Variants in ANKDD1A observed in about 807,000 individuals in gnomAD.
ANKDD1A encodes ankyrin repeat and death domain-containing protein 1A.
ANKDD1A carries 59 observed loss-of-function variants against 63.5 expected under a neutral mutation model. The ratio of observed to expected loss-of-function variants is 0.93; its 90% CI spans 0.75 to 1.15. ANKDD1A has a LOEUF of 1.15. Ranked by LOEUF, ANKDD1A falls within the 50% of genes most tolerant of loss-of-function variation. ANKDD1A has a pLI of 0.00. For synonymous variants in ANKDD1A, 266 were observed against 263.9 expected, an observed-to-expected ratio of 1.01 and a Z score of -0.08; for missense variants, 632 against 656.4, an observed-to-expected ratio of 0.96 and a Z score of 0.41.
rs528746021 is a variant in ANKDD1A at position 64,953,114 on chromosome 15, G to A, written c.1483+3142G>A. 3.4e-4 allele frequency among the ~76,000 whole-genome samples: 39 copies of A among 115,300 alleles called. No homozygotes were observed. In the East Asian group the frequency reaches 5.2e-3, roughly 16 times the overall value. 75.6% of individuals were successfully genotyped at this position (115,300 alleles called of 152,430 possible). On this transcript the variant is annotated intron_variant, in intron 14 of 14. Transcript: ENST00000319580. Reference sequence around the variant, plus strand: ...TCTTATACTTTCTTTTCTTTCTTCCGCTTTCTACTTTCTTCTTCCTTTTTT... The same window carrying A: ...TCTTATACTTTCTTTTCTTTCTTCCACTTTCTACTTTCTTCTTCCTTTTTT...
At chr15:64,940,481 G>A (rs2085173821) in intron 9 of ANKDD1A, among the ~76,000 whole-genome samples, 1 of 152,088 alleles carries the variant, frequency 6.6e-6, no homozygotes, top group Admixed American at 6.5e-5. Flanking sequence ...CGCCCAGGCT[G>A]GAGTGCAGTG....
intron 12 of ANKDD1A, among the ~76,000 whole-genome samples, chr15:64,945,948 CA>C (rs2085219857): frequency 6.6e-6 from 1 of 151,926 alleles, no homozygotes; most frequent in Admixed American, 6.6e-5. Flanking sequence ...TGATTTTTAT[CA>C]AGACATAACC....
At chr15:64,918,222 G>C (rs28369270) in intron 3 of ANKDD1A, among the ~76,000 whole-genome samples, 7,616 of 152,270 alleles carry the variant, frequency 0.05, 668 homozygotes, top group African/African-American at 0.18. Context: ...AAATTAGTCA[G>C]TCTCATAACC....
Position 64,921,072 on chromosome 15 carries a change from G to C in ANKDD1A, c.268-849G>C, listed in dbSNP as rs111537264. ...TGTAGCCTCTACCTCCTGGGCTCAA[G>C]TGATCCTCCCACCTCAGCCTCCTGA... is the stretch of plus-strand genomic sequence containing the variant. On this transcript the variant is annotated intron_variant, in intron 3 of 14. Transcript: ENST00000319580. Among the ~76,000 whole-genome samples, 1,005 of 152,270 alleles carry C rather than the reference G, an allele frequency of 6.6e-3. 15 individuals are homozygous for C. Among genetic ancestry groups the C allele is most frequent in the African/African-American group, 0.023 (955 of 41,538 alleles).
chr15:64,944,843 G>T, intron 12 of ANKDD1A, 96 bp downstream of exon 12: 1 of 1,193,738 alleles, frequency 8.4e-7, no homozygotes, highest in Non-Finnish European at 1.2e-6. Context: ...GACCAATTCT[G>T]GGTCCCTCAG....
intron 4 of ANKDD1A, among the ~76,000 whole-genome samples, chr15:64,923,129 C>T (rs939580141): frequency 1.3e-5 from 2 of 152,088 alleles, no homozygotes; most frequent in African/African-American, 2.4e-5. Flanking sequence ...ATATCCTAAT[C>T]CCTAGAACCT....
chr15:64,952,902 CCTTCTCTTCTTCTCCTTCTTCTTA>C (rs1156515009), intron 14 of ANKDD1A, among the ~76,000 whole-genome samples: 2 of 121,844 alleles, frequency 1.6e-5, no homozygotes, highest in East Asian at 4.3e-4. Flanking sequence ...CCTTCTCCTT[CCTTCTCTTCTTCTCCTTCTTCTTA>C]GTTCTTCTTC....
At position 64,934,111 on chromosome 15, in the gene ANKDD1A, C is replaced by T. The variant is rs187375018; in HGVS notation, c.769-25C>T. Reference sequence around the variant, plus strand: ...TCAGTAGGAGGGGTCCTTGTGATAACGCATTGATGCCTGTTTCCTTCTAGA... The same window carrying T: ...TCAGTAGGAGGGGTCCTTGTGATAATGCATTGATGCCTGTTTCCTTCTAGA... On this transcript the variant is annotated intron_variant, in intron 8 of 14. Coordinates refer to ENST00000319580, the MANE Select transcript of ANKDD1A (RefSeq NM_182703.6). 3,561 of 1,590,114 alleles carry T rather than the reference C, an allele frequency of 2.2e-3. 8 individuals are homozygous for T. The highest frequency in any genetic ancestry group is 2.9e-3 in the Non-Finnish European group (3,422 of 1,163,532).
chr15:64,945,991 T>C (rs1447594464), intron 12 of ANKDD1A, among the ~76,000 whole-genome samples: 1 of 152,160 alleles, frequency 6.6e-6, no homozygotes, highest in African/African-American at 2.4e-5. Flanking sequence ...CTGTGTTGAA[T>C]CTGCTAAGTT....
chr15:64,940,687 C>T (rs1330304514), intron 9 of ANKDD1A, among the ~76,000 whole-genome samples: 1 of 151,974 alleles, frequency 6.6e-6, no homozygotes, highest in Admixed American at 6.6e-5. Flanking sequence ...ATCCGCCCAC[C>T]TCGGCCTCCC....
intron 4 of ANKDD1A, among the ~76,000 whole-genome samples, chr15:64,923,960 A>G (rs935675250): frequency 6.6e-6 from 1 of 152,236 alleles, no homozygotes. Flanking sequence ...GATCCCCTCT[A>G]TATTTGTTTT....
At chr15:64,923,578 C>T (rs933686428) in intron 4 of ANKDD1A, among the ~76,000 whole-genome samples, 1 of 152,052 alleles carries the variant, frequency 6.6e-6, no homozygotes, top group African/African-American at 2.4e-5. Context: ...TGTCCCATGC[C>T]ATTGTTAGGA....
chr15:64,938,979 G>A (rs1351091806), intron 9 of ANKDD1A, among the ~76,000 whole-genome samples: 1 of 150,474 alleles, frequency 6.6e-6, no homozygotes, highest in African/African-American at 2.4e-5. Flanking sequence ...ACTCTGAATA[G>A]AGTATGGATG....
intron 8 of ANKDD1A, chr15:64,932,352 T>A (rs2085098533): frequency 6.6e-6 from 1 of 152,006 alleles, no homozygotes. Context: ...CAAAGCTGAG[T>A]CTCAAAAGCC....
chr15:64,944,201 C>A (rs2085206501), intron 11 of ANKDD1A, among the ~76,000 whole-genome samples: 1 of 152,216 alleles, frequency 6.6e-6, no homozygotes, highest in Non-Finnish European at 1.5e-5. Flanking sequence ...GGGAGCTTCC[C>A]ATCTCACTGC....
chr15:64,936,306 A>G (rs896732920), intron 9 of ANKDD1A, among the ~76,000 whole-genome samples: 49 of 152,218 alleles, frequency 3.2e-4, no homozygotes, highest in African/African-American at 1.1e-3. Flanking sequence ...ATTCAGGCTA[A>G]ATGCTTACTT....
chr15:64,926,061 T>G lies in ANKDD1A; in HGVS notation c.367-5T>G, dbSNP rs766114775. ...CTGCAGGAACCCTCCTGCACTTGTT[T>G]CCAGGATGGCCTGACCTTACTGCAC... On this transcript the variant is annotated splice_region_variant and splice_polypyrimidine_tract_variant and intron_variant, in intron 4 of 14. Transcript: ENST00000319580. The G allele has an allele frequency of 6.2e-7, 1 of 1,612,186 alleles. No homozygotes were observed. The highest frequency in any genetic ancestry group is 2.2e-5 in the East Asian group (1 of 44,846).
In ANKDD1A at chr15:64,934,176, C is replaced by T. The variant is rs148267097; in HGVS notation, c.809C>T (p.Ser270Leu). The part of the protein sequence containing the change: ...SCLHYAALSG[S>L]EDVSRVLIHA... Reference sequence around the variant, plus strand: ...CTTCACTATGCAGCCCTCAGTGGCTCGGAGGATGTGTCTCGGGTCCTCATC... The same window carrying T: ...CTTCACTATGCAGCCCTCAGTGGCTTGGAGGATGTGTCTCGGGTCCTCATC... The change falls in exon 9 of 15, where the codon TCG (serine) becomes TTG (leucine). Residue 270 changes from serine (S) to leucine (L), a missense_variant. Transcript: ENST00000319580. 681 of 1,612,344 alleles carry T rather than the reference C, an allele frequency of 4.2e-4. 4 individuals carry two copies. The highest frequency in any genetic ancestry group is 2.6e-3 in the Middle Eastern group (16 of 6,062).
intron 14 of ANKDD1A, among the ~76,000 whole-genome samples, chr15:64,953,869 C>CTTCT (rs2085363863): frequency 9.4e-5 from 7 of 74,382 alleles, no homozygotes; most frequent in Non-Finnish European, 2.1e-4. Context: ...CTTCCTCTTT[C>CTTCT]TTCTTCATTC....
Sources: gnomAD v4.1 joint callset for allele counts (sites outside exome capture counted in the v4.1 genomes callset) on GRCh38, gnomAD v4.1.1 for gene constraint, MANE v1.5 for transcripts, NCBI Gene and HGNC (gene_info 2026-07-23, HGNC 2026-07-21) for gene names.